NEDD9: variants seen among roughly 807,000 people sequenced by gnomAD.
NEDD9 encodes neural precursor cell expressed, developmentally down-regulated 9, also known as enhancer of filamentation 1.
In NEDD9, 26 loss-of-function variants were observed where a neutral mutation model predicts 76.6. The ratio of observed to expected loss-of-function variants is 0.34; its 90% CI spans 0.25 to 0.47. The LOEUF (loss-of-function observed/expected upper bound fraction) is 0.47, where lower values mean the gene tolerates loss of function less well. NEDD9 is among the 20% of genes least tolerant of loss of function. NEDD9 has a pLI of 1.00. For missense variants in NEDD9, 937 were observed against 1,058.5 expected (o/e 0.89, Z 1.59); for synonymous variants, 392 against 414.2 (o/e 0.95, Z 0.65).
At chr6:11,304,616 C>T (rs1210843101) in intron 3 of NEDD9, among the ~76,000 whole-genome samples, 1 of 152,188 alleles carries the variant, frequency 6.6e-6, no homozygotes, top group Non-Finnish European at 1.5e-5. Context: ...CCATGGAATA[C>T]TATGCAGTCA....
At chr6:11,232,967 A>C (rs1759527060), upstream of NEDD9, among the ~76,000 whole-genome samples, 1 of 152,198 alleles carries the variant, frequency 6.6e-6, no homozygotes, top group African/African-American at 2.4e-5. Context: ...CAAATTTTAA[A>C]GAAACTGAAT....
chr6:11,351,446 C>A (rs1422894865), intron 1 of NEDD9, among the ~76,000 whole-genome samples: 1 of 152,142 alleles, frequency 6.6e-6, no homozygotes, highest in South Asian at 2.1e-4. Flanking sequence ...GAGAAAACAG[C>A]AAAAGCAGAA....
At position 11,191,077 on chromosome 6, in the gene NEDD9, A is replaced by G; in HGVS notation, c.792T>C (p.Pro264=). ...TCCCTGCTGGCTTGGTGCAGGTTGG[A>G]GGAATGTCATAAACCCCCTCCGGTC... The part of the protein sequence containing the change: ...DLRPEGVYDI[P]PTCTKPAGKD... The change falls in exon 5 of 7, where the codon CCT becomes CCC. Residue 264 remains proline (P), a synonymous_variant. Coordinates refer to ENST00000379446, the MANE Select transcript of NEDD9 (RefSeq NM_006403.4). 1 of 1,613,826 alleles carries G rather than the reference A, an allele frequency of 6.2e-7. No homozygotes were observed.
intron 2 of NEDD9, among the ~76,000 whole-genome samples, chr6:11,308,712 T>G (rs1163079245): frequency 3.9e-5 from 6 of 152,150 alleles, no homozygotes; most frequent in African/African-American, 1.4e-4. Context: ...ATTTATAATT[T>G]TACAATATTT....
At chr6:11,318,090 C>G (rs569038147) in intron 2 of NEDD9, among the ~76,000 whole-genome samples, 62 of 152,202 alleles carry the variant, frequency 4.1e-4, no homozygotes, top group African/African-American at 1.4e-3. Context: ...GGTCTCAAAC[C>G]TGCTGGCCTT....
intron 1 of NEDD9, among the ~76,000 whole-genome samples, chr6:11,380,739 A>G (rs1251145603): frequency 6.6e-6 from 1 of 152,172 alleles, no homozygotes; most frequent in Admixed American, 6.5e-5. Context: ...GAATTACATC[A>G]TGTGACCCTT....
At chr6:11,297,343 C>T (rs1760924163) in intron 3 of NEDD9, among the ~76,000 whole-genome samples, 1 of 152,210 alleles carries the variant, frequency 6.6e-6, no homozygotes, top group Non-Finnish European at 1.5e-5. Context: ...CCTTCCTCCT[C>T]ACACTGATAT....
chr6:11,346,749 A>G (rs1762373161), intron 1 of NEDD9, among the ~76,000 whole-genome samples: 1 of 152,116 alleles, frequency 6.6e-6, no homozygotes, highest in Non-Finnish European at 1.5e-5. Flanking sequence ...CTCAGCCAGT[A>G]GCTGCTTAGG....
chr6:11,228,904 C>T (rs992978194), intron 1 of NEDD9, among the ~76,000 whole-genome samples: 1 of 152,062 alleles, frequency 6.6e-6, no homozygotes, highest in African/African-American at 2.4e-5. Flanking sequence ...GACAGGAGTC[C>T]TACATTTGGA....
rs373271300 is a variant in NEDD9 at position 11,228,972 on chromosome 6, A to G, written c.12+3532T>C. Among the ~76,000 whole-genome samples the G allele has an allele frequency of 9.2e-5, 14 of 152,374 alleles. 1 individual carries two copies. The highest frequency in any genetic ancestry group is 3.4e-4 in the African/African-American group (14 of 41,584). Reference sequence around the variant, plus strand: ...GCATTTTAAACCAAAATATCAAAGCAAGGAAATAATTGGGAATTTAATAGC... The same window carrying G: ...GCATTTTAAACCAAAATATCAAAGCGAGGAAATAATTGGGAATTTAATAGC... On this transcript the variant is annotated intron_variant, in intron 1 of 6. Transcript: ENST00000379446.
intron 1 of NEDD9, among the ~76,000 whole-genome samples, chr6:11,363,893 A>G (rs1208584259): frequency 2.0e-5 from 3 of 152,170 alleles, no homozygotes; most frequent in African/African-American, 7.2e-5. Context: ...CAACAGATAT[A>G]TATATTACCT....
At chr6:11,317,708 A>G (rs1761616816) in intron 2 of NEDD9, among the ~76,000 whole-genome samples, 1 of 152,194 alleles carries the variant, frequency 6.6e-6, no homozygotes, top group Non-Finnish European at 1.5e-5. Context: ...GGCTGTAAAG[A>G]AAAGATGATA....
At chr6:11,228,212 T>A (rs1759366495) in intron 1 of NEDD9, among the ~76,000 whole-genome samples, 1 of 151,316 alleles carries the variant, frequency 6.6e-6, no homozygotes, top group Admixed American at 6.6e-5. Flanking sequence ...ACCAATGAGG[T>A]CATAAAAGCA....
chr6:11,346,696 C>A (rs1762372770), intron 1 of NEDD9, among the ~76,000 whole-genome samples: 1 of 152,194 alleles, frequency 6.6e-6, no homozygotes, highest in Non-Finnish European at 1.5e-5. Flanking sequence ...GCTGGTTGAG[C>A]AGCCACTTTC....
chr6:11,311,505 G>C (rs1761365516), intron 2 of NEDD9, among the ~76,000 whole-genome samples: 1 of 152,168 alleles, frequency 6.6e-6, no homozygotes, highest in South Asian at 2.1e-4. Context: ...GCATCCCTGG[G>C]AAACTGCATT....
chr6:11,374,999 G>C (rs1762948706), intron 1 of NEDD9, among the ~76,000 whole-genome samples: 1 of 152,060 alleles, frequency 6.6e-6, no homozygotes, highest in South Asian at 2.1e-4. Flanking sequence ...ATGTCCCCTA[G>C]CTAAAACCTG....
upstream of NEDD9, among the ~76,000 whole-genome samples, chr6:11,234,254 G>A (rs961651341): frequency 2.0e-5 from 3 of 152,160 alleles, no homozygotes; most frequent in African/African-American, 7.2e-5. Flanking sequence ...TAAGAATCCT[G>A]CAGACTGACC....
chr6:11,346,806 C>A (rs1762373795), intron 1 of NEDD9, among the ~76,000 whole-genome samples: 1 of 152,024 alleles, frequency 6.6e-6, no homozygotes, highest in African/African-American at 2.4e-5. Context: ...CTCATGGGCA[C>A]CCATGTGGAG....
intron 2 of NEDD9, among the ~76,000 whole-genome samples, chr6:11,330,982 ATACTC>A (rs954395587): frequency 2.2e-4 from 34 of 152,288 alleles, no homozygotes; most frequent in African/African-American, 5.1e-4. Context: ...TATTGTGTAG[ATACTC>A]TACTCTACAG....
Sources: allele counts gnomAD v4.1 joint callset (sites outside exome capture counted in the v4.1 genomes callset), GRCh38; gene constraint gnomAD v4.1.1; transcripts MANE v1.5; gene names NCBI Gene and HGNC (gene_info 2026-07-23, HGNC 2026-07-21).